PHF14: variants seen among roughly 807,000 people sequenced by gnomAD.
The protein encoded by PHF14 is PHD finger protein 14.
PHF14 carries 55 observed loss-of-function variants against 117.9 expected under a neutral mutation model. The observed-to-expected ratio is 0.47, with a 90% CI of 0.38 to 0.58. The LOEUF (loss-of-function observed/expected upper bound fraction) is 0.58. Among genes scored for constraint, PHF14 ranks in the 20% least tolerant of loss-of-function variants. The pLI is 0.00. For missense variants in PHF14, 978 were observed against 1,122.2 expected, an observed-to-expected ratio of 0.87 and a Z score of 1.84; for synonymous variants, 409 against 368.6, an observed-to-expected ratio of 1.11 and a Z score of -1.26.
intron 4 of PHF14, among the ~76,000 whole-genome samples, chr7:11,008,033 A>G (rs1235891464): frequency 6.6e-6 from 1 of 152,114 alleles, no homozygotes; most frequent in East Asian, 1.9e-4. Context: ...CCGTGATGTC[A>G]CTTATCCTGA....
Position 11,158,441 on chromosome 7 carries a change from T to C in PHF14, c.2773-10975T>C, listed in dbSNP as rs572521674. Among the ~76,000 whole-genome samples, 529 of 152,272 alleles carry C rather than the reference T, an allele frequency of 3.5e-3. 1 individual carries two copies. The highest frequency in any genetic ancestry group is 5.3e-3 in the Non-Finnish European group (361 of 67,976). ...AGAGCAGGGGAACATGATGTCAGTA[T>C]ACATACTATACATTACTAGTGATGT... On this transcript the variant is annotated intron_variant, in intron 17 of 17. Transcript: ENST00000634607.
At chr7:11,060,266 GTTAA>G (rs1785173896) in intron 14 of PHF14, among the ~76,000 whole-genome samples, 2 of 152,132 alleles carry the variant, frequency 1.3e-5, no homozygotes, top group African/African-American at 4.8e-5. Context: ...ATTAAAACAA[GTTAA>G]TTGAGTCTTT....
chr7:11,126,872 G>A (rs1197385888), intron 17 of PHF14, among the ~76,000 whole-genome samples: 1 of 151,306 alleles, frequency 6.6e-6, no homozygotes, highest in East Asian at 1.9e-4. Context: ...GGTTTTATTT[G>A]TTCTTCATAT....
chr7:11,028,551 G>T (rs1024933174), intron 6 of PHF14, 130 bp from the exon 7 acceptor site: 2 of 775,718 alleles, frequency 2.6e-6, no homozygotes, highest in African/African-American at 1.8e-5. Flanking sequence ...ATTATTGTTT[G>T]TATTGGTACA....
At chr7:11,059,240 G>A (rs12530833) in intron 14 of PHF14, among the ~76,000 whole-genome samples, 1,988 of 152,170 alleles carry the variant, frequency 0.013, 26 homozygotes, top group Non-Finnish European at 0.018. Flanking sequence ...TATCAAAATG[G>A]TAAATAAACA....
intron 16 of PHF14, chr7:11,108,368 T>C (rs1394068435): frequency 6.6e-6 from 1 of 151,768 alleles, no homozygotes. Flanking sequence ...TTCTGTTTTT[T>C]GGATTTTGGC....
intron 14 of PHF14, 84 bp from the exon 15 acceptor site, chr7:11,061,707 A>G (rs928982845): frequency 4.7e-6 from 5 of 1,058,490 alleles, no homozygotes; most frequent in African/African-American, 1.6e-5. Context: ...AACATTTAAC[A>G]GAGGAAATTT....
At chr7:10,985,633 A>C (rs1782192089) in intron 3 of PHF14, among the ~76,000 whole-genome samples, 1 of 132,770 alleles carries the variant, frequency 7.5e-6, no homozygotes, top group African/African-American at 2.8e-5. Flanking sequence ...AGTGATTCTC[A>C]AACTGTTTTT....
chr7:11,099,042 G>T (rs1369787327), intron 16 of PHF14, among the ~76,000 whole-genome samples: 1 of 152,150 alleles, frequency 6.6e-6, no homozygotes, highest in Non-Finnish European at 1.5e-5. Flanking sequence ...AATCAGGGAA[G>T]AGAGGTTTAA....
intron 17 of PHF14, among the ~76,000 whole-genome samples, chr7:11,147,431 C>G (rs1788578342): frequency 1.3e-5 from 2 of 151,992 alleles, no homozygotes; most frequent in South Asian, 4.2e-4. Context: ...AAAATAGCAT[C>G]TCTCAGTCCC....
intron 3 of PHF14, among the ~76,000 whole-genome samples, chr7:10,988,783 A>G (rs891717133): frequency 6.6e-6 from 1 of 152,130 alleles, no homozygotes; most frequent in African/African-American, 2.4e-5. Flanking sequence ...TTGTGCCAGG[A>G]ACATTCTTGC....
chr7:10,974,378 G>A (rs1466610828), intron 1 of PHF14, 54 bp downstream of exon 1: 26 of 1,493,642 alleles, frequency 1.7e-5, no homozygotes, highest in Non-Finnish European at 2.4e-5. Context: ...CATTCTAGAA[G>A]TCAGGGCCGG....
At chr7:10,977,312 C>A (rs1161697324) in intron 2 of PHF14, among the ~76,000 whole-genome samples, 1 of 152,140 alleles carries the variant, frequency 6.6e-6, no homozygotes, top group Non-Finnish European at 1.5e-5. Context: ...ATTGAATGAA[C>A]TACGGACTTC....
rs1194796524 is a variant in PHF14, at chr7:11,107,752, T to A, written c.2655-3598T>A. ...AGTATATTGTGTTATATCCCTATAC[T>A]TTTGTGGGTCAATGACTGCTTCTGA... On this transcript the variant is annotated intron_variant, in intron 16 of 17. Transcript: ENST00000634607. The A allele has an allele frequency of 3.5e-6, 3 of 861,240 alleles. No homozygotes were observed. The East Asian group carries it at 3.7e-4, about 105-fold the overall frequency. The allele number at this position is 861,240 out of a possible 1,614,324, so 53.3% of individuals were successfully genotyped here. A position where few individuals can be genotyped will look rare whatever the true frequency, so the allele number is the denominator to read the frequency against.
intron 17 of PHF14, among the ~76,000 whole-genome samples, chr7:11,122,331 T>TATATATATATATATATA: frequency 1.2e-5 from 1 of 84,070 alleles, no homozygotes; most frequent in South Asian, 3.9e-4. Flanking sequence ...TTTGTACTTT[T>TATATATATATATATATA]TATATATATA....
At chr7:11,127,055 C>G (rs561514030) in intron 17 of PHF14, among the ~76,000 whole-genome samples, 1 of 152,154 alleles carries the variant, frequency 6.6e-6, no homozygotes, top group African/African-American at 2.4e-5. Flanking sequence ...TCCTTTTTCC[C>G]CCAGTTACTC....
intron 16 of PHF14, chr7:11,104,641 A>C: frequency 1.0e-6 from 1 of 981,548 alleles, no homozygotes; most frequent in Non-Finnish European, 1.2e-6. Flanking sequence ...GAAGAATGAC[A>C]TAATAGCAAG....
intron 16 of PHF14, among the ~76,000 whole-genome samples, chr7:11,067,214 C>T (rs1321431312): frequency 5.9e-5 from 9 of 152,164 alleles, no homozygotes; most frequent in African/African-American, 2.2e-4. Flanking sequence ...AGATGCTCAA[C>T]ATCACGAATC....
At chr7:11,108,802 A>C (rs1265475731) in intron 16 of PHF14, 10 of 151,810 alleles carry the variant, frequency 6.6e-5, no homozygotes, top group Non-Finnish European at 1.5e-5. Context: ...TATCAACAAG[A>C]ATTATTTATG....
Sources: allele counts gnomAD v4.1 joint callset (sites outside exome capture counted in the v4.1 genomes callset), GRCh38; gene constraint gnomAD v4.1.1; transcripts MANE v1.5; gene names NCBI Gene and HGNC (gene_info 2026-07-23, HGNC 2026-07-21).